Variants in TAOK1 observed in about 807,000 individuals in gnomAD.
TAOK1 encodes serine/threonine-protein kinase TAO1.
TAOK1 carries 21 observed loss-of-function variants against 138.3 expected under a neutral mutation model. That is an observed-to-expected ratio of 0.15 (90% CI 0.11 to 0.22). The LOEUF is 0.22. TAOK1 is among the 10% of genes least tolerant of loss of function. The probability of loss-of-function intolerance (pLI) is 1.00; values close to 1 mark genes in which losing one functional copy is unlikely to be tolerated. For synonymous variants in TAOK1, 361 were observed against 398.4 expected (o/e 0.91, Z 1.12); for missense variants, 651 against 1,227.7 (o/e 0.53, Z 7.02).
chr17:29,463,763 C>A (rs1472998319), intron 2 of TAOK1, among the ~76,000 whole-genome samples: 2 of 152,154 alleles, frequency 1.3e-5, no homozygotes, highest in African/African-American at 2.4e-5. Flanking sequence ...TAAAAACTTT[C>A]CTGCTTCAAA....
chr17:29,504,648 C>T (rs1005071951), intron 13 of TAOK1, among the ~76,000 whole-genome samples: 2 of 151,342 alleles, frequency 1.3e-5, no homozygotes, highest in African/African-American at 4.9e-5. Context: ...CCAGCCTGGG[C>T]GTCAGAGCGA....
At chr17:29,425,029 A>G (rs918347546) in intron 1 of TAOK1, among the ~76,000 whole-genome samples, 13 of 152,278 alleles carry the variant, frequency 8.5e-5, no homozygotes, top group African/African-American at 2.6e-4. Context: ...TAGAAGTAAA[A>G]TTATTTAAAA....
At chr17:29,475,028 C>T (rs2030912608) in intron 3 of TAOK1, among the ~76,000 whole-genome samples, 1 of 152,052 alleles carries the variant, frequency 6.6e-6, no homozygotes, top group African/African-American at 2.4e-5. Flanking sequence ...GCAACCTCCA[C>T]CTCCCGTGTT....
rs1413560217 is a variant in TAOK1 at position 29,544,413 on chromosome 17, A to G, written c.*1391A>G. On this transcript the variant is annotated 3_prime_UTR_variant, in exon 20 of 20. Transcript: ENST00000261716. ...TCAAGTTAACATCACACAATAGGAA[A>G]CACCACTTCCACAAGTCTCAAGCCT... is the stretch of plus-strand genomic sequence containing the variant. 6.6e-6 allele frequency: 1 copy of G among 152,658 alleles called. No homozygotes were observed. The highest frequency in any genetic ancestry group is 1.5e-5 in the Non-Finnish European group (1 of 68,048). 9.5% of individuals were successfully genotyped at this position (152,658 alleles called of 1,614,324 possible).
intron 1 of TAOK1, among the ~76,000 whole-genome samples, chr17:29,436,733 T>C (rs1446352505): frequency 6.6e-6 from 1 of 152,210 alleles, no homozygotes; most frequent in African/African-American, 2.4e-5. Flanking sequence ...AGAAATCCCA[T>C]GCAATTTTGG....
rs1437079655 is a variant in TAOK1 at position 29,549,564 on chromosome 17, CA to C, written c.*6543del. ...CCCAAATACATTGCCTGGGCATGAA[CA>C]TTGTTACCGTAAATTGCACATGGTC... On this transcript the variant is annotated 3_prime_UTR_variant, in exon 20 of 20. Transcript: ENST00000261716. 1 of 152,182 alleles carries C rather than the reference CA, an allele frequency of 6.6e-6. No individual in the cohort carries two copies. Among genetic ancestry groups the C allele is most frequent in the Admixed American group, 6.5e-5 (1 of 15,270 alleles). The allele number at this position is 152,182 out of a possible 1,614,324, so 9.4% of individuals were successfully genotyped here. A position where few individuals can be genotyped will look rare whatever the true frequency, so the allele number is the denominator to read the frequency against.
intron 1 of TAOK1, among the ~76,000 whole-genome samples, chr17:29,451,174 C>A (rs1339866899): frequency 6.6e-6 from 1 of 152,142 alleles, no homozygotes; most frequent in Non-Finnish European, 1.5e-5. Flanking sequence ...GAGATGACTG[C>A]ATCAGAAGTG....
At chr17:29,448,762 ATAAT>A (rs1184175057) in intron 1 of TAOK1, among the ~76,000 whole-genome samples, 8 of 152,324 alleles carry the variant, frequency 5.3e-5, no homozygotes, top group African/African-American at 1.4e-4. Flanking sequence ...TACATAGAAG[ATAAT>A]TAAGTATATT....
At chr17:29,430,243 C>T (rs1174066942) in intron 1 of TAOK1, among the ~76,000 whole-genome samples, 1 of 152,148 alleles carries the variant, frequency 6.6e-6, no homozygotes, top group African/African-American at 2.4e-5. Flanking sequence ...ACCTGAGGAG[C>T]GGCTCAAGGA....
intron 4 of TAOK1, among the ~76,000 whole-genome samples, chr17:29,477,432 A>C (rs915785573): frequency 1.3e-5 from 2 of 151,878 alleles, no homozygotes; most frequent in Non-Finnish European, 2.9e-5. Flanking sequence ...CATTGGCTTG[A>C]CTTTATGCAT....
chr17:29,433,529 G>T (rs1451837049), intron 1 of TAOK1, among the ~76,000 whole-genome samples: 1 of 151,966 alleles, frequency 6.6e-6, no homozygotes, highest in African/African-American at 2.4e-5. Flanking sequence ...GAACTTGTCC[G>T]TCCCATGGCT....
chr17:29,415,794 ATGGT>A (rs1212896941), intron 1 of TAOK1, among the ~76,000 whole-genome samples: 1 of 152,236 alleles, frequency 6.6e-6, no homozygotes, highest in Non-Finnish European at 1.5e-5. Context: ...AAGAGAAGAT[ATGGT>A]GAAACTGGTT....
At chr17:29,528,327 C>T (rs539999536) in intron 17 of TAOK1, among the ~76,000 whole-genome samples, 4 of 152,178 alleles carry the variant, frequency 2.6e-5, no homozygotes, top group South Asian at 2.1e-4. Context: ...GGATTGCAGG[C>T]GTGAGCCACC....
intron 1 of TAOK1, among the ~76,000 whole-genome samples, chr17:29,402,295 A>G (rs980470499): frequency 6.6e-6 from 1 of 152,154 alleles, no homozygotes; most frequent in Non-Finnish European, 1.5e-5. Context: ...ATTTTAAAAA[A>G]AGAAGACTTT....
chr17:29,535,001 G>A (rs760118209), intron 19 of TAOK1, among the ~76,000 whole-genome samples: 10 of 151,294 alleles, frequency 6.6e-5, no homozygotes, highest in Non-Finnish European at 1.5e-4. Flanking sequence ...ATTTTGAGAG[G>A]TAAAGAGAAG....
At chr17:29,489,220 G>A (rs2031245442) in intron 8 of TAOK1, among the ~76,000 whole-genome samples, 3 of 152,292 alleles carry the variant, frequency 2.0e-5, no homozygotes, top group South Asian at 4.1e-4. Context: ...CTTGGAGGCT[G>A]GGTGCAGTGG....
At chr17:29,539,503 C>G (rs2032279922) in intron 19 of TAOK1, among the ~76,000 whole-genome samples, 1 of 152,194 alleles carries the variant, frequency 6.6e-6, no homozygotes, top group South Asian at 2.1e-4. Context: ...ATGGCACTAT[C>G]TCGGCTCACA....
Position 29,493,409 on chromosome 17 carries a change from G to A in TAOK1, c.831+1544G>A, listed in dbSNP as rs895668060. 1.3e-3 allele frequency among the ~76,000 whole-genome samples: 201 copies of A among 150,750 alleles called. 3 individuals carry two copies. The highest frequency in any genetic ancestry group is 2.7e-4 in the Non-Finnish European group (18 of 67,776). On this transcript the variant is annotated intron_variant, in intron 10 of 19. Transcript: ENST00000261716. ...CTCAGGAGGCTGACGCAGGAGAATC[G>A]CTTGAACCCAGGAGGCAGAGGTTGT...
At chr17:29,432,319 A>C (rs1905866931) in intron 1 of TAOK1, among the ~76,000 whole-genome samples, 1 of 152,150 alleles carries the variant, frequency 6.6e-6, no homozygotes, top group South Asian at 2.1e-4. Flanking sequence ...CACTCATGGT[A>C]TTGTTTGTGG....
Sources: allele counts gnomAD v4.1 joint callset (sites outside exome capture counted in the v4.1 genomes callset), GRCh38; gene constraint gnomAD v4.1.1; transcripts MANE v1.5; gene names NCBI Gene and HGNC (gene_info 2026-07-23, HGNC 2026-07-21).